RANBP17: variants seen among roughly 807,000 people sequenced by gnomAD.
The protein encoded by RANBP17 is RAN binding protein 17, also known as ran-binding protein 17.
Under a neutral mutation model 141.2 loss-of-function variants are expected in RANBP17, and 158 were observed. The observed-to-expected ratio is 1.12, with a 90% CI of 0.98 to 1.28. RANBP17 has a LOEUF of 1.28. Ranked by LOEUF, RANBP17 falls within the 50% of genes most tolerant of loss-of-function variation. The pLI, the probability that RANBP17 is intolerant of heterozygous loss-of-function variation, is 0.00. For missense variants in RANBP17, 1,438 were observed against 1,290.7 expected, an observed-to-expected ratio of 1.11 and a Z score of -1.75; for synonymous variants, 430 against 450.0, an observed-to-expected ratio of 0.96 and a Z score of 0.56.
chr5:171,069,453 T>G (rs551682809), intron 14 of RANBP17, among the ~76,000 whole-genome samples: 1 of 152,366 alleles, frequency 6.6e-6, no homozygotes, highest in East Asian at 1.9e-4. Flanking sequence ...CTGAGAGTTC[T>G]TGCTAGCTCA....
chr5:171,279,526 C>G (rs1232489496), intron 25 of RANBP17, among the ~76,000 whole-genome samples: 1 of 152,140 alleles, frequency 6.6e-6, no homozygotes, highest in Non-Finnish European at 1.5e-5. Context: ...AGCATGAAGG[C>G]AGAGCCCTCA....
intron 12 of RANBP17, among the ~76,000 whole-genome samples, chr5:170,933,624 C>T (rs1242213695): frequency 1.3e-5 from 2 of 152,166 alleles, no homozygotes; most frequent in Non-Finnish European, 2.9e-5. Flanking sequence ...TCTTTGTTCT[C>T]ATTGGTTTCA....
chr5:171,236,630 T>TA (rs1179285278), intron 22 of RANBP17, among the ~76,000 whole-genome samples: 1 of 151,856 alleles, frequency 6.6e-6, no homozygotes, highest in Non-Finnish European at 1.5e-5. Flanking sequence ...AATGTGAACT[T>TA]ACAGGAAAAA....
rs1441219546 is a variant in RANBP17 at position 171,222,216 on chromosome 5, T to C, written c.2422+376T>C. Among the ~76,000 whole-genome samples the C allele has an allele frequency of 2.0e-5, 3 of 152,338 alleles. No individual in the cohort carries two copies. The East Asian group carries it at 5.8e-4, about 29-fold the overall frequency. ...AGAATGTCACTGAATTGTGGGAAAATATCCTTGTAAAGAGCAGTAAATATT... is the reference window on the plus strand; with the variant it reads ...AGAATGTCACTGAATTGTGGGAAAACATCCTTGTAAAGAGCAGTAAATATT... On this transcript the variant is annotated intron_variant, in intron 22 of 27. Coordinates refer to ENST00000523189, the MANE Select transcript of RANBP17 (RefSeq NM_022897.5).
At chr5:171,010,163 A>G (rs976345502) in intron 14 of RANBP17, among the ~76,000 whole-genome samples, 16 of 152,162 alleles carry the variant, frequency 1.1e-4, no homozygotes, top group African/African-American at 3.6e-4. Context: ...CCCAGAGGCA[A>G]TGAAGGAACA....
At chr5:171,204,772 T>A (rs550690902) in intron 19 of RANBP17, among the ~76,000 whole-genome samples, 1 of 152,200 alleles carries the variant, frequency 6.6e-6, no homozygotes, top group South Asian at 2.1e-4. Context: ...TAAATACTTA[T>A]GGAACATTTA....
At chr5:170,961,906 G>A (rs574658375) in intron 13 of RANBP17, among the ~76,000 whole-genome samples, 1 of 152,082 alleles carries the variant, frequency 6.6e-6, no homozygotes, top group South Asian at 2.1e-4. Flanking sequence ...TTGAGCAAAT[G>A]GCCACTCTGA....
intron 14 of RANBP17, among the ~76,000 whole-genome samples, chr5:171,137,950 GATATATAT>G (rs67832819): frequency 6.9e-6 from 1 of 144,794 alleles, no homozygotes; most frequent in East Asian, 2.0e-4. Flanking sequence ...TGATATATGA[GATATATAT>G]ATATATATAT....
At chr5:171,060,730 G>A (rs1228156352) in intron 14 of RANBP17, among the ~76,000 whole-genome samples, 65 of 151,828 alleles carry the variant, frequency 4.3e-4, no homozygotes, top group East Asian at 1.2e-3. Context: ...ATAGTTTCAG[G>A]AGGAATGGTA....
chr5:171,124,740 ACAT>A (rs1297590055), intron 14 of RANBP17, among the ~76,000 whole-genome samples: 3 of 152,206 alleles, frequency 2.0e-5, no homozygotes, highest in Non-Finnish European at 4.4e-5. Context: ...AGGGAGTCAA[ACAT>A]CATCACAACA....
In RANBP17 at chr5:171,213,885, T is replaced by C. The variant is rs142322393; in HGVS notation, c.2339+147T>C. 64 of 666,128 alleles carry C rather than the reference T, an allele frequency of 9.6e-5. No homozygotes were observed. The African/African-American group carries it at 1.1e-3, about 11-fold the overall frequency. 41.3% of individuals were successfully genotyped at this position (666,128 alleles called of 1,614,324 possible). On this transcript the variant is annotated intron_variant, in intron 21 of 27. Coordinates refer to ENST00000523189, the MANE Select transcript of RANBP17 (RefSeq NM_022897.5). ...CTTAAGATGATTAGTGAAAACAGAATTAGAGACATACGATTGAGGCCTTTT... is the reference window on the plus strand; with the variant it reads ...CTTAAGATGATTAGTGAAAACAGAACTAGAGACATACGATTGAGGCCTTTT...
At chr5:171,089,225 G>A (rs1399458160) in intron 14 of RANBP17, among the ~76,000 whole-genome samples, 3 of 116,852 alleles carry the variant, frequency 2.6e-5, no homozygotes, top group African/African-American at 2.8e-5. Context: ...GCAGTGTGAG[G>A]TGTCAGTGTG....
chr5:171,239,918 G>A (rs1364877203), intron 22 of RANBP17, among the ~76,000 whole-genome samples: 4 of 152,104 alleles, frequency 2.6e-5, no homozygotes, highest in Admixed American at 6.6e-5. Flanking sequence ...AAAAGTCATG[G>A]CAGCTACTCC....
rs1374980189 is a variant in RANBP17, at chr5:171,116,950, A to G, written c.1711-53180A>G. ...TCTGTTTGGGCTTATTCCACTTAAC[A>G]TAATGCCTGCAGTTGCATCCATGAT... On this transcript the variant is annotated intron_variant, in intron 14 of 27. Coordinates refer to ENST00000523189, the MANE Select transcript of RANBP17 (RefSeq NM_022897.5). 2.6e-5 allele frequency among the ~76,000 whole-genome samples: 4 copies of G among 152,188 alleles called. 1 individual carries two copies. The highest frequency in any genetic ancestry group is 6.5e-5 in the Admixed American group (1 of 15,278).
At position 171,113,019 on chromosome 5, in the gene RANBP17, T is replaced by TG. The variant is rs1369421553; in HGVS notation, c.1711-57109dup. ...AAAATCCCTACTTCAGAATCATGTC[T>TG]GGCATAGAGTAGATACTTAATAAAA... On this transcript the variant is annotated intron_variant, in intron 14 of 27. Transcript: ENST00000523189. Among the ~76,000 whole-genome samples, 4 of 152,150 alleles carry TG rather than the reference T, an allele frequency of 2.6e-5. No homozygotes were observed. In the East Asian group the frequency reaches 7.7e-4, roughly 29 times the overall value.
intron 14 of RANBP17, among the ~76,000 whole-genome samples, chr5:171,118,267 A>G (rs1018749232): frequency 2.6e-5 from 4 of 152,162 alleles, no homozygotes; most frequent in African/African-American, 9.7e-5. Context: ...TTCTGTTTGT[A>G]TGCCAGTACC....
intron 12 of RANBP17, among the ~76,000 whole-genome samples, chr5:170,930,166 G>C (rs575531527): frequency 4.8e-5 from 7 of 147,040 alleles, no homozygotes; most frequent in Non-Finnish European, 7.5e-5. Context: ...ATTTTTTTTC[G>C]CCTTTATTAT....
intron 24 of RANBP17, among the ~76,000 whole-genome samples, chr5:171,245,177 T>C (rs1172799837): frequency 6.6e-6 from 1 of 152,152 alleles, no homozygotes; most frequent in Non-Finnish European, 1.5e-5. Context: ...TGTCTACTGA[T>C]GTGATTTCTG....
chr5:170,941,911 CAT>C (rs1180856219), intron 12 of RANBP17, among the ~76,000 whole-genome samples: 2 of 152,192 alleles, frequency 1.3e-5, no homozygotes, highest in African/African-American at 2.4e-5. Flanking sequence ...TGAACCGTCA[CAT>C]GTGTCCTCTA....
Sources: gnomAD v4.1 joint callset for allele counts (sites outside exome capture counted in the v4.1 genomes callset) on GRCh38, gnomAD v4.1.1 for gene constraint, MANE v1.5 for transcripts, NCBI Gene and HGNC (gene_info 2026-07-23, HGNC 2026-07-21) for gene names.